IFTAP: variants seen among roughly 807,000 people sequenced by gnomAD.
IFTAP encodes the protein intraflagellar transport-associated protein.
IFTAP carries 19 observed loss-of-function variants against 19.4 expected under a neutral mutation model. That is an observed-to-expected ratio of 0.98 (90% CI 0.68 to 1.44). The LOEUF is 1.44. Among genes scored for constraint, IFTAP ranks in the 40% most tolerant of loss-of-function variants. IFTAP has a pLI of 0.00. For synonymous variants in IFTAP, 85 were observed against 83.5 expected, an observed-to-expected ratio of 1.02 and a Z score of -0.10; for missense variants, 240 against 253.6, an observed-to-expected ratio of 0.95 and a Z score of 0.36.
chr11:36,643,600 G>C (rs570071056), intron 4 of IFTAP, among the ~76,000 whole-genome samples: 511 of 152,144 alleles, frequency 3.4e-3, no homozygotes, highest in Non-Finnish European at 5.8e-3. Flanking sequence ...TCAAACTATA[G>C]TACAAGGCTA....
chr11:36,648,769 C>T (rs1456998632), intron 5 of IFTAP, among the ~76,000 whole-genome samples: 1 of 152,064 alleles, frequency 6.6e-6, no homozygotes, highest in African/African-American at 2.4e-5. Context: ...AACATGGGGG[C>T]AGCATGTTTC....
intron 1 of IFTAP, among the ~76,000 whole-genome samples, chr11:36,599,025 G>A (rs901321778): frequency 6.6e-6 from 1 of 151,940 alleles, no homozygotes; most frequent in African/African-American, 2.4e-5. Context: ...ATGGAGTCCC[G>A]CTCTGTCTCC....
At chr11:36,643,545 T>C (rs182484833) in intron 4 of IFTAP, among the ~76,000 whole-genome samples, 1 of 152,114 alleles carries the variant, frequency 6.6e-6, no homozygotes, top group Non-Finnish European at 1.5e-5. Context: ...GCCAAGACAA[T>C]CCTAAGCCAA....
At position 36,645,081 on chromosome 11, in the gene IFTAP, A is replaced by G. The variant is rs190811671; in HGVS notation, c.359-2935A>G. 2.6e-4 allele frequency among the ~76,000 whole-genome samples: 39 copies of G among 152,218 alleles called. No individual in the cohort carries two copies. The East Asian group carries it at 5.4e-3, about 21-fold the overall frequency. ...ATCCTTTTTGTATTAGGATGCCCAG[A>G]CTTTCAGGAAATGTTGGCCATTTTA... On this transcript the variant is annotated intron_variant, in intron 4 of 5. Transcript: ENST00000334307.
chr11:36,594,541 C>T lies in IFTAP; in HGVS notation c.-75C>T, dbSNP rs1169400842. On this transcript the variant is annotated 5_prime_UTR_variant, in exon 1 of 6. Transcript: ENST00000334307. ...TAGCTTTGGAAATCTGTCTTTGTTG[C>T]TCTGGGAGAGGGGACTCCTGGAATG... The T allele has an allele frequency of 2.6e-5, 7 of 270,482 alleles. No homozygotes were observed. Among genetic ancestry groups the T allele is most frequent in the South Asian group, 2.0e-4 (4 of 20,374 alleles). 16.8% of individuals were successfully genotyped at this position (270,482 alleles called of 1,614,324 possible).
At chr11:36,605,117 T>G (rs1851645026) in intron 1 of IFTAP, among the ~76,000 whole-genome samples, 1 of 152,026 alleles carries the variant, frequency 6.6e-6, no homozygotes, top group Non-Finnish European at 1.5e-5. Flanking sequence ...AGTACAAATG[T>G]TGATGGTTTT....
chr11:36,639,253 CT>C (rs11432916), intron 4 of IFTAP, among the ~76,000 whole-genome samples: 493 of 140,766 alleles, frequency 3.5e-3, no homozygotes, highest in Middle Eastern at 7.8e-3. Context: ...GCTCAAGAGA[CT>C]TTTTTTTTTT....
chr11:36,607,055 G>A (rs1851719409), intron 1 of IFTAP, among the ~76,000 whole-genome samples: 1 of 152,124 alleles, frequency 6.6e-6, no homozygotes, highest in Admixed American at 6.6e-5. Context: ...TTTGTTTTAA[G>A]TTGATACCCA....
At chr11:36,612,958 G>A (rs776605946) in intron 2 of IFTAP, among the ~76,000 whole-genome samples, 1 of 151,872 alleles carries the variant, frequency 6.6e-6, no homozygotes, top group South Asian at 2.1e-4. Context: ...TACGTTTTGT[G>A]GTTTTTTCTT....
At chr11:36,640,903 G>A (rs1853169249) in intron 4 of IFTAP, among the ~76,000 whole-genome samples, 1 of 152,184 alleles carries the variant, frequency 6.6e-6, no homozygotes. Context: ...GATCCATTCA[G>A]TGTGCAAGAT....
intron 1 of IFTAP, among the ~76,000 whole-genome samples, chr11:36,603,158 T>C (rs1440077529): frequency 6.6e-6 from 1 of 152,180 alleles, no homozygotes; most frequent in Non-Finnish European, 1.5e-5. Flanking sequence ...ATGGGTATTA[T>C]ACAATCTGCT....
chr11:36,625,419 A>G (rs907948790), intron 2 of IFTAP, among the ~76,000 whole-genome samples: 1 of 152,138 alleles, frequency 6.6e-6, no homozygotes, highest in Non-Finnish European at 1.5e-5. Context: ...TCACCACTCT[A>G]CAGATAAGAA....
intron 1 of IFTAP, among the ~76,000 whole-genome samples, chr11:36,601,088 C>G (rs1016324358): frequency 3.9e-5 from 6 of 152,128 alleles, no homozygotes; most frequent in South Asian, 4.1e-4. Context: ...CGTTTCCATC[C>G]CCATTTTATA....
chr11:36,600,476 A>T (rs12272335), intron 1 of IFTAP, among the ~76,000 whole-genome samples: 1 of 152,118 alleles, frequency 6.6e-6, no homozygotes, highest in African/African-American at 2.4e-5. Flanking sequence ...CTAGGTTGTG[A>T]GTTCCTTATG....
chr11:36,598,545 G>A (rs188481058), intron 1 of IFTAP, among the ~76,000 whole-genome samples: 57 of 152,268 alleles, frequency 3.7e-4, no homozygotes, highest in Admixed American at 3.1e-3. Flanking sequence ...TTGTCCTGAA[G>A]CAGAGACCAC....
chr11:36,599,969 T>C (rs1007068060), intron 1 of IFTAP, among the ~76,000 whole-genome samples: 1 of 152,226 alleles, frequency 6.6e-6, no homozygotes, highest in Admixed American at 6.5e-5. Flanking sequence ...AGCCTTTGGA[T>C]TTTACTAACA....
chr11:36,643,504 G>A (rs1772306905), intron 4 of IFTAP, among the ~76,000 whole-genome samples: 1 of 152,088 alleles, frequency 6.6e-6, no homozygotes, highest in Non-Finnish European at 1.5e-5. Context: ...CTACTTTAAA[G>A]TTCATATGGA....
chr11:36,612,345 A>C (rs1254836090), intron 2 of IFTAP, among the ~76,000 whole-genome samples: 3 of 152,000 alleles, frequency 2.0e-5, no homozygotes, highest in Non-Finnish European at 4.4e-5. Context: ...GACCTGAAAA[A>C]ATTCCTCTTA....
chr11:36,602,888 A>G (rs1851559004), intron 1 of IFTAP, among the ~76,000 whole-genome samples: 1 of 152,264 alleles, frequency 6.6e-6, no homozygotes, highest in Admixed American at 6.5e-5. Context: ...TTTCAAAAAC[A>G]ATGGATTTCC....
Sources: allele counts gnomAD v4.1 joint callset (sites outside exome capture counted in the v4.1 genomes callset), GRCh38; gene constraint gnomAD v4.1.1; transcripts MANE v1.5; gene names NCBI Gene and HGNC (gene_info 2026-07-23, HGNC 2026-07-21).